DNAJC17: variants seen among roughly 807,000 people sequenced by gnomAD.
DNAJC17 encodes the protein dnaJ homolog subfamily C member 17.
A neutral mutation model predicts 48.1 loss-of-function variants in DNAJC17; 35 were observed. The ratio of observed to expected loss-of-function variants is 0.73; its 90% CI spans 0.56 to 0.96. The LOEUF (loss-of-function observed/expected upper bound fraction) is 0.96, where lower values mean the gene tolerates loss of function less well. Among genes scored for constraint, DNAJC17 ranks in the 50% least tolerant of loss-of-function variants. The probability of loss-of-function intolerance (pLI) is 0.00; values close to 1 mark genes in which losing one functional copy is unlikely to be tolerated. For missense variants in DNAJC17, 355 were observed against 377.1 expected, an observed-to-expected ratio of 0.94 and a Z score of 0.48; for synonymous variants, 117 against 142.7, an observed-to-expected ratio of 0.82 and a Z score of 1.28.
chr15:40,774,867 G>A, intron 8 of DNAJC17, 164 bp downstream of exon 8: 4 of 711,804 alleles, frequency 5.6e-6, no homozygotes, highest in East Asian at 5.4e-5. Context: ...AAGCAAGGCT[G>A]TAGCCTGGGG....
At chr15:40,774,226 C>T (rs2141947749) in intron 9 of DNAJC17, 130 bp downstream of exon 9, 2 of 1,060,708 alleles carry the variant, frequency 1.9e-6, no homozygotes, top group South Asian at 1.4e-5. Flanking sequence ...CTGGGAAGAG[C>T]CTTGGCTCTA....
At chr15:40,786,126 A>G (rs16971013) in intron 1 of DNAJC17, among the ~76,000 whole-genome samples, 7,069 of 152,292 alleles carry the variant, frequency 0.046, 545 homozygotes, top group African/African-American at 0.16. Flanking sequence ...CAGGCCTTTG[A>G]AAAACCTTCC....
intron 1 of DNAJC17, among the ~76,000 whole-genome samples, chr15:40,801,417 G>C (rs1197091384): frequency 6.6e-6 from 1 of 152,180 alleles, no homozygotes; most frequent in Non-Finnish European, 1.5e-5. Context: ...CAGAAGGGGA[G>C]GAAGAGCATT....
chr15:40,781,153 GAA>G lies in DNAJC17; in HGVS notation c.79-1158_79-1157del, dbSNP rs11337976. Reference sequence around the variant, plus strand: ...GGGACAAGAGCGAGACTCCATCTCAGAAAAAAAAAAAAAAAAAAAAAGATTAT... The same window carrying G: ...GGGACAAGAGCGAGACTCCATCTCAGAAAAAAAAAAAAAAAAAAAGATTAT... On this transcript the variant is annotated intron_variant, in intron 1 of 10. Transcript: ENST00000220496. 8.0e-3 allele frequency among the ~76,000 whole-genome samples: 710 copies of G among 88,968 alleles called. 3 individuals are homozygous for G. Among genetic ancestry groups the G allele is most frequent in the African/African-American group, 0.02 (490 of 25,040 alleles). 58.4% of individuals were successfully genotyped at this position (88,968 alleles called of 152,430 possible).
intron 1 of DNAJC17, among the ~76,000 whole-genome samples, chr15:40,793,237 C>T (rs1471554844): frequency 6.6e-6 from 1 of 152,138 alleles, no homozygotes; most frequent in African/African-American, 2.4e-5. Context: ...TTTCTCCCTT[C>T]AAGATCTTGC....
At chr15:40,775,191 ATCCTC>A in intron 7 of DNAJC17, 83 bp from the exon 8 acceptor site, 1 of 1,444,642 alleles carries the variant, frequency 6.9e-7, no homozygotes, top group Non-Finnish European at 9.7e-7. Context: ...CTGAGCAGAC[ATCCTC>A]CCACCCTCCA....
At chr15:40,805,994 A>G (rs1437507100) in intron 1 of DNAJC17, among the ~76,000 whole-genome samples, 1 of 152,076 alleles carries the variant, frequency 6.6e-6, no homozygotes, top group Non-Finnish European at 1.5e-5. Flanking sequence ...GAAACACGAG[A>G]GAGGTGGAGC....
intron 5 of DNAJC17, 31 bp downstream of exon 5, chr15:40,776,511 G>A (rs748865164): frequency 1.9e-6 from 3 of 1,612,416 alleles, no homozygotes; most frequent in Non-Finnish European, 2.5e-6. Context: ...TCCTGCAGGT[G>A]GCCTTCTGGC....
rs946564715 is a variant in DNAJC17 at position 40,779,319 on chromosome 15, A to G, written c.208-9T>C. 7 of 1,613,808 alleles carry G rather than the reference A, an allele frequency of 4.3e-6. No individual in the cohort carries two copies. The highest frequency in any genetic ancestry group is 1.3e-5 in the African/African-American group (1 of 74,926). On this transcript the variant is annotated splice_polypyrimidine_tract_variant and intron_variant, in intron 3 of 10. Coordinates refer to ENST00000220496, the MANE Select transcript of DNAJC17 (RefSeq NM_018163.3). ...ACCTTGTCATATGCAGCCTGGCAGG[A>G]GAAAGGGGCACAGGGCAGAGGGTCA...
At chr15:40,804,934 A>AGAGGTTGCAGTGAGCC (rs1890162066) in intron 1 of DNAJC17, among the ~76,000 whole-genome samples, 1 of 151,346 alleles carries the variant, frequency 6.6e-6, no homozygotes, top group African/African-American at 2.4e-5. Flanking sequence ...CCTGGGGGGC[A>AGAGGTTGCAGTGAGCC]GAGGTTGCAG....
Position 40,770,452 on chromosome 15 carries a change from C to A in DNAJC17, c.793-2390G>T. ...CTGCCCCAGCAGGGACCACATGCAC[C>A]CTGGCTGCTCCTGAACACCTGTCTG... On this transcript the variant is annotated intron_variant, in intron 10 of 10. Transcript: ENST00000220496. The surrounding 1 kb of genome is among the most constrained non-coding windows in gnomAD (Gnocchi z 5.0). The A allele has an allele frequency of 6.6e-7, 1 of 1,512,842 alleles. No homozygotes were observed. The highest frequency in any genetic ancestry group is 8.8e-7 in the Non-Finnish European group (1 of 1,129,964). The allele number at this position is 1,512,842 out of a possible 1,614,324, so 93.7% of individuals were successfully genotyped here. A position where few individuals can be genotyped will look rare whatever the true frequency, so the allele number is the denominator to read the frequency against.
intron 10 of DNAJC17, chr15:40,771,694 T>C (rs1889145599): frequency 5.9e-6 from 1 of 170,260 alleles, no homozygotes; most frequent in African/African-American, 2.4e-5. Context: ...TGGCCACACA[T>C]GATTAATGGC....
chr15:40,802,966 G>A (rs1311672993), intron 1 of DNAJC17, among the ~76,000 whole-genome samples: 1 of 152,092 alleles, frequency 6.6e-6, no homozygotes, highest in Admixed American at 6.6e-5. Flanking sequence ...AGCCAGGCAT[G>A]GCGGTGCACA....
intron 10 of DNAJC17, among the ~76,000 whole-genome samples, 199 bp downstream of exon 10, chr15:40,773,528 T>A (rs2289218): frequency 0.42 from 64,474 of 151,852 alleles, 14,279 homozygotes; most frequent in Middle Eastern, 0.57. Context: ...AAGAATACAG[T>A]GTGGGTGGGG....
At chr15:40,792,246 G>A (rs73398556) in intron 1 of DNAJC17, among the ~76,000 whole-genome samples, 2,030 of 152,326 alleles carry the variant, frequency 0.013, 39 homozygotes, top group African/African-American at 0.047. Flanking sequence ...AAAGAAATAT[G>A]TAGCTAGTGG....
At chr15:40,780,778 C>T (rs1889463292) in intron 1 of DNAJC17, among the ~76,000 whole-genome samples, 1 of 151,592 alleles carries the variant, frequency 6.6e-6, no homozygotes, top group Admixed American at 6.6e-5. Context: ...CGCACCACTA[C>T]ACTCCGGCCT....
intron 1 of DNAJC17, among the ~76,000 whole-genome samples, chr15:40,800,030 T>A (rs912936628): frequency 2.0e-5 from 3 of 152,012 alleles, no homozygotes; most frequent in African/African-American, 7.2e-5. Context: ...TTTGTCTTCA[T>A]AATAGCTATC....
chr15:40,792,496 T>G lies in DNAJC17; in HGVS notation c.79-12499A>C, dbSNP rs184761144. 1.4e-5 allele frequency: 14 copies of G among 985,342 alleles called. No homozygotes were observed. The East Asian group carries it at 1.2e-3, about 88-fold the overall frequency. 61.0% of individuals were successfully genotyped at this position (985,342 alleles called of 1,614,324 possible). On this transcript the variant is annotated intron_variant, in intron 1 of 10. Transcript: ENST00000220496. ...TACACACCCTTCAAAGGGCTTCAAA[T>G]GAAAGGTAAGGCTGCTACAGACAGA...
chr15:40,770,681 G>A lies in DNAJC17; in HGVS notation c.793-2619C>T, dbSNP rs781024377. 7 of 1,548,020 alleles carry A rather than the reference G, an allele frequency of 4.5e-6. No homozygotes were observed. The South Asian group carries it at 7.1e-5, about 16-fold the overall frequency. On this transcript the variant is annotated intron_variant, in intron 10 of 10. Transcript: ENST00000220496. This position sits in a 1 kb window ranked among gnomAD's most constrained non-coding sequence, Gnocchi z 5.0. The stretch of plus-strand genomic sequence containing the variant: ...AGCTACAAGGGAGGCCAGATGGCCG[G>A]CGCCTGCCACTGTGGGGGGACGAGC...
Sources: allele counts gnomAD v4.1 joint callset (sites outside exome capture counted in the v4.1 genomes callset), GRCh38; gene constraint gnomAD v4.1.1; non-coding constraint Gnocchi (gnomAD v3.1); transcripts MANE v1.5; gene names NCBI Gene and HGNC (gene_info 2026-07-23, HGNC 2026-07-21).